Variants in MECOM observed in about 807,000 individuals in gnomAD.
MECOM encodes the protein MDS1 and EVI1 complex locus.
A neutral mutation model predicts 116.3 loss-of-function variants in MECOM; 13 were observed. That is an observed-to-expected ratio of 0.11 (90% CI 0.07 to 0.18). The LOEUF (loss-of-function observed/expected upper bound fraction) is 0.18. MECOM is among the 10% of genes least tolerant of loss of function. MECOM has a pLI of 1.00. For synonymous variants in MECOM, 528 were observed against 535.2 expected (o/e 0.99, Z 0.19); for missense variants, 1,299 against 1,509.0 (o/e 0.86, Z 2.31).
At position 169,115,902 on chromosome 3, in the gene MECOM, G is replaced by T; in HGVS notation, c.1970C>A (p.Ala657Asp). 6.2e-7 allele frequency: 1 copy of T among 1,614,076 alleles called. No homozygotes were observed. The highest frequency in any genetic ancestry group is 8.5e-7 in the Non-Finnish European group (1 of 1,180,034). Residue 657 changes from alanine (A) to aspartate (D), a missense_variant, in exon 8 of 17, where the codon GCT becomes GAT. By Grantham distance (126) the Ala-to-Asp change is moderately radical. This residue lies in a region of MECOM where 340 missense variants were observed against 312.6 expected (regional missense o/e 1.09). Coordinates refer to ENST00000651503, the MANE Select transcript of MECOM (RefSeq NM_004991.4). ...AATAGCCTTTATAGAATCATTCACAGCTCCTGACACCGCAGTCTGCTCCTC... is the reference window on the plus strand; with the variant it reads ...AATAGCCTTTATAGAATCATTCACATCTCCTGACACCGCAGTCTGCTCCTC... ...SLEEQTAVSG[A>D]VNDSIKAIAS...
chr3:169,440,099 T>C (rs763472619), intron 1 of MECOM, among the ~76,000 whole-genome samples: 1 of 152,176 alleles, frequency 6.6e-6, no homozygotes, highest in Non-Finnish European at 1.5e-5. Context: ...CATAGAGAGA[T>C]AAAATAATTT....
At chr3:169,589,189 G>A (rs1183431652) in intron 1 of MECOM, among the ~76,000 whole-genome samples, 1 of 151,606 alleles carries the variant, frequency 6.6e-6, no homozygotes, top group Non-Finnish European at 1.5e-5. Flanking sequence ...AATAAACTCC[G>A]AATTATTAAC....
intron 1 of MECOM, among the ~76,000 whole-genome samples, chr3:169,573,112 C>T (rs1764114169): frequency 6.6e-6 from 1 of 152,194 alleles, no homozygotes; most frequent in Admixed American, 6.5e-5. Context: ...CCAGGCTGGA[C>T]ACCAGCTCCT....
At chr3:169,243,044 C>T (rs1429083452) in intron 2 of MECOM, among the ~76,000 whole-genome samples, 1 of 152,050 alleles carries the variant, frequency 6.6e-6, no homozygotes, top group Non-Finnish European at 1.5e-5. Context: ...AGAATGCAAA[C>T]CTACATGCTA....
chr3:169,123,454 CAT>C (rs1007858252), intron 5 of MECOM, among the ~76,000 whole-genome samples: 51 of 151,982 alleles, frequency 3.4e-4, no homozygotes, highest in African/African-American at 1.2e-3. Flanking sequence ...TTCTCACAAG[CAT>C]AGTTTCTCTG....
chr3:169,490,684 A>G (rs1449872412), intron 1 of MECOM, among the ~76,000 whole-genome samples: 2 of 152,224 alleles, frequency 1.3e-5, no homozygotes, highest in Admixed American at 6.5e-5. Context: ...ATATACAGTT[A>G]AAGTTCAAAA....
chr3:169,178,716 T>G (rs1054383376), intron 2 of MECOM, among the ~76,000 whole-genome samples: 12 of 152,220 alleles, frequency 7.9e-5, no homozygotes, highest in African/African-American at 2.9e-4. Flanking sequence ...TTTTCCTCTG[T>G]ATTACTTAAT....
rs113971910 is a variant in MECOM at position 169,559,046 on chromosome 3, G to GCACACA, written c.37+104284_37+104289dup. Among the ~76,000 whole-genome samples the GCACACA allele has an allele frequency of 6.1e-3, 901 of 148,478 alleles. 8 individuals carry two copies. The highest frequency in any genetic ancestry group is 0.021 in the African/African-American group (834 of 40,518). On this transcript the variant is annotated intron_variant, in intron 1 of 16. Transcript: ENST00000651503. The stretch of plus-strand genomic sequence containing the variant: ...ACACACACACTATACACACACACGC[G>GCACACA]CACACACACACACACACACACAAGT...
intron 16 of MECOM, chr3:169,086,403 T>C (rs775414603): frequency 1.8e-5 from 11 of 597,978 alleles, no homozygotes; most frequent in Admixed American, 1.5e-4. Flanking sequence ...AGATAAAGAG[T>C]ACTCTGAAAG....
chr3:169,376,585 A>G (rs1358309329), intron 2 of MECOM, among the ~76,000 whole-genome samples: 4 of 152,166 alleles, frequency 2.6e-5, no homozygotes, highest in South Asian at 4.1e-4. Flanking sequence ...TACAATTGCT[A>G]CAAAGAGAAT....
chr3:169,115,512 T>G lies in MECOM; in HGVS notation c.2360A>C (p.Lys787Thr). The stretch of plus-strand genomic sequence containing the variant: ...GTGGTTTTTTCGAGGCTCAGTCAGC[T>G]TTGTCCCACTGGCTCTACTCCTACT... The part of the protein sequence containing the change: ...MGSRSRASGT[K>T]LTEPRKNHVF... Residue 787 changes from lysine to threonine, a missense_variant, in exon 8 of 17, where the codon AAG becomes ACG. By Grantham distance (78) the Lys-to-Thr change is moderately conservative. Around this residue, in one of 6 missense-constraint regions of MECOM, gnomAD observed 340 missense variants for 312.6 expected, o/e 1.09. Transcript: ENST00000651503. The G allele has an allele frequency of 6.2e-7, 1 of 1,614,148 alleles. No homozygotes were observed.
At chr3:169,106,356 T>TTA (rs1163807922) in intron 10 of MECOM, among the ~76,000 whole-genome samples, 1 of 152,110 alleles carries the variant, frequency 6.6e-6, no homozygotes, top group African/African-American at 2.4e-5. Context: ...ACATGAGATG[T>TTA]TTTCATACAG....
chr3:169,128,681 G>A (rs1161308534), intron 4 of MECOM, among the ~76,000 whole-genome samples: 1 of 152,150 alleles, frequency 6.6e-6, no homozygotes, highest in Non-Finnish European at 1.5e-5. Flanking sequence ...ATGGGACACA[G>A]GATGTTTTTA....
chr3:169,619,016 TA>T lies in MECOM; in HGVS notation c.37+44319del, dbSNP rs1268942190. On this transcript the variant is annotated intron_variant, in intron 1 of 16. Coordinates refer to ENST00000651503, the MANE Select transcript of MECOM (RefSeq NM_004991.4). ...GCTGGTAATCTGTCATCTAAACATT[TA>T]AAAAAAAAAAAAAGTCCACTCTTTT... 4.1e-3 allele frequency among the ~76,000 whole-genome samples: 563 copies of T among 137,408 alleles called. 1 individual carries two copies. The highest frequency in any genetic ancestry group is 7.2e-3 in the Middle Eastern group (2 of 278). The allele number at this position is 137,408 out of a possible 152,430, so 90.1% of individuals were successfully genotyped here.
intron 2 of MECOM, among the ~76,000 whole-genome samples, chr3:169,310,047 C>A (rs575061040): frequency 6.6e-6 from 1 of 152,332 alleles, no homozygotes; most frequent in South Asian, 2.1e-4. Context: ...TGTTCATTGA[C>A]AGACTGTTAA....
intron 9 of MECOM, among the ~76,000 whole-genome samples, chr3:169,109,782 A>G (rs954788554): frequency 6.6e-6 from 1 of 152,208 alleles, no homozygotes; most frequent in Non-Finnish European, 1.5e-5. Flanking sequence ...ATATAGCCTA[A>G]TAATCTTTCA....
rs146759208 is a variant in MECOM at position 169,396,972 on chromosome 3, C to CA, written c.38-15449dup. 3.9e-3 allele frequency among the ~76,000 whole-genome samples: 591 copies of CA among 150,010 alleles called. 3 individuals are homozygous for CA. Among genetic ancestry groups the CA allele is most frequent in the Non-Finnish European group, 6.5e-3 (436 of 67,472 alleles). On this transcript the variant is annotated intron_variant, in intron 1 of 16. Transcript: ENST00000651503. ...TGGGTGACAGAGTGAGACTTCATCTCAAAAAAAAATAAATAAATAAGAATC... is the reference window on the plus strand; with the variant it reads ...TGGGTGACAGAGTGAGACTTCATCTCAAAAAAAAAATAAATAAATAAGAATC...
chr3:169,237,571 A>G (rs1258332553), intron 2 of MECOM, among the ~76,000 whole-genome samples: 4 of 142,854 alleles, frequency 2.8e-5, no homozygotes. Context: ...CATGAGGGCG[A>G]CACATATTTC....
intron 2 of MECOM, among the ~76,000 whole-genome samples, chr3:169,320,079 G>T (rs1720588239): frequency 6.6e-6 from 1 of 152,214 alleles, no homozygotes; most frequent in Admixed American, 6.5e-5. Context: ...AAGAAATGGA[G>T]AAATGGATGT....
Sources: gnomAD v4.1 joint callset for allele counts (sites outside exome capture counted in the v4.1 genomes callset) on GRCh38, gnomAD v4.1.1 for gene constraint, gnomAD v4.1.1 regional missense constraint, MANE v1.5 for transcripts, NCBI Gene and HGNC (gene_info 2026-07-23, HGNC 2026-07-21) for gene names.